CNTN5: variants seen among roughly 807,000 people sequenced by gnomAD.
CNTN5 encodes contactin-5.
Under a neutral mutation model 129.1 loss-of-function variants are expected in CNTN5, and 77 were observed. The ratio of observed to expected loss-of-function variants is 0.60; its 90% CI spans 0.50 to 0.72. CNTN5 has a LOEUF of 0.72. Ranked by LOEUF, CNTN5 falls within the 30% of genes least tolerant of loss-of-function variation. The probability of loss-of-function intolerance (pLI) is 0.00; values close to 1 mark genes in which losing one functional copy is unlikely to be tolerated. For synonymous variants in CNTN5, 509 were observed against 465.6 expected (o/e 1.09, Z -1.20); for missense variants, 1,478 against 1,328.8 (o/e 1.11, Z -1.75).
At chr11:100,000,123 A>C (rs552667135) in intron 8 of CNTN5, among the ~76,000 whole-genome samples, 1 of 151,968 alleles carries the variant, frequency 6.6e-6, no homozygotes, top group Admixed American at 6.6e-5. Flanking sequence ...TAACCTGCAC[A>C]TTGTGCACAT....
chr11:99,953,348 A>G (rs918061557), intron 7 of CNTN5, among the ~76,000 whole-genome samples: 7 of 152,214 alleles, frequency 4.6e-5, no homozygotes, highest in Non-Finnish European at 8.8e-5. Context: ...AAAGTCTGCA[A>G]TATTTGAATC....
chr11:100,236,887 GT>G (rs1486382045), intron 16 of CNTN5, among the ~76,000 whole-genome samples: 1 of 152,036 alleles, frequency 6.6e-6, no homozygotes, highest in Non-Finnish European at 1.5e-5. Context: ...CAACCCAAAT[GT>G]GGTCACCAAG....
chr11:100,243,132 C>T (rs765629277), intron 16 of CNTN5, among the ~76,000 whole-genome samples: 4 of 152,160 alleles, frequency 2.6e-5, no homozygotes, highest in Non-Finnish European at 4.4e-5. Context: ...TGTGCACGTG[C>T]GTGTGCACAC....
At chr11:100,064,145 T>A (rs1470190557) in intron 10 of CNTN5, among the ~76,000 whole-genome samples, 2 of 152,202 alleles carry the variant, frequency 1.3e-5, no homozygotes, top group Non-Finnish European at 2.9e-5. Context: ...TGGGATTCTA[T>A]CTGTTAGAAG....
At chr11:99,743,426 AACTT>A (rs764610281) in intron 3 of CNTN5, among the ~76,000 whole-genome samples, 1 of 152,196 alleles carries the variant, frequency 6.6e-6, no homozygotes, top group Non-Finnish European at 1.5e-5. Flanking sequence ...TAGTAGAACC[AACTT>A]ACTTATGCTG....
At chr11:99,488,873 G>C (rs1565225471) in intron 2 of CNTN5, among the ~76,000 whole-genome samples, 3 of 152,076 alleles carry the variant, frequency 2.0e-5, no homozygotes, top group Non-Finnish European at 2.9e-5. Flanking sequence ...CTGAAAAAGA[G>C]GGGAAAGTGA....
At chr11:99,989,674 A>G (rs1938928357) in intron 8 of CNTN5, among the ~76,000 whole-genome samples, 1 of 152,196 alleles carries the variant, frequency 6.6e-6, no homozygotes, top group African/African-American at 2.4e-5. Flanking sequence ...ATTTATGAAA[A>G]TAATAAACAT....
chr11:99,168,109 T>C (rs1022295471), intron 1 of CNTN5, among the ~76,000 whole-genome samples: 2 of 152,034 alleles, frequency 1.3e-5, no homozygotes, highest in African/African-American at 4.8e-5. Flanking sequence ...TGCCCGGCTA[T>C]TTTTTAATAT....
At chr11:99,121,324 A>G (rs367582691) in intron 1 of CNTN5, among the ~76,000 whole-genome samples, 1 of 151,864 alleles carries the variant, frequency 6.6e-6, no homozygotes. Context: ...TAGTAGAGCT[A>G]GGGTTTCAAC....
intron 2 of CNTN5, among the ~76,000 whole-genome samples, chr11:99,350,920 A>G (rs983913486): frequency 5.9e-5 from 9 of 152,034 alleles, no homozygotes; most frequent in Admixed American, 1.3e-4. Flanking sequence ...TGAAATATGC[A>G]ATATTTATTA....
chr11:99,292,102 C>A (rs1006816658), intron 1 of CNTN5, among the ~76,000 whole-genome samples: 2 of 151,860 alleles, frequency 1.3e-5, no homozygotes, highest in Admixed American at 1.3e-4. Flanking sequence ...AGAAACAGTA[C>A]TAATGTAATT....
At chr11:100,159,631 A>C (rs1234555826) in intron 13 of CNTN5, among the ~76,000 whole-genome samples, 1 of 151,960 alleles carries the variant, frequency 6.6e-6, no homozygotes. Flanking sequence ...GTAGAGGTGA[A>C]TATTTCATGC....
At chr11:100,225,693 A>G (rs1319405202) in intron 16 of CNTN5, among the ~76,000 whole-genome samples, 1 of 152,080 alleles carries the variant, frequency 6.6e-6, no homozygotes, top group Admixed American at 6.6e-5. Flanking sequence ...GTACCTCTTC[A>G]TTTTTCATCT....
chr11:100,071,872 C>A lies in CNTN5; in HGVS notation c.1429+38C>A, dbSNP rs201752601. ...TAAGTGAATAAATTGAAAAAAAAAA[C>A]CTTGCTTCTTTTCATGCTCTAATTT... is the stretch of plus-strand genomic sequence containing the variant. On this transcript the variant is annotated intron_variant, in intron 12 of 24. Transcript: ENST00000524871. The A allele has an allele frequency of 1.3e-5, 20 of 1,494,176 alleles. 1 individual carries two copies. Among genetic ancestry groups the A allele is most frequent in the South Asian group, 5.3e-5 (4 of 75,930 alleles). The allele number at this position is 1,494,176 out of a possible 1,614,324, so 92.6% of individuals were successfully genotyped here.
In CNTN5 at chr11:100,092,922, G is replaced by C. The variant is rs539719895; in HGVS notation, c.1580+18628G>C. On this transcript the variant is annotated intron_variant, in intron 13 of 24. Coordinates refer to ENST00000524871, the MANE Select transcript of CNTN5 (RefSeq NM_014361.4). Reference sequence around the variant, plus strand: ...AGATGTGCTTTTTAACATATAGGCTGTAAATGTTAGTATTTCTGAGTTTCG... The same window carrying C: ...AGATGTGCTTTTTAACATATAGGCTCTAAATGTTAGTATTTCTGAGTTTCG... 2.6e-3 allele frequency among the ~76,000 whole-genome samples: 398 copies of C among 152,204 alleles called. 1 individual carries two copies. Among genetic ancestry groups the C allele is most frequent in the Non-Finnish European group, 2.8e-3 (188 of 68,010 alleles).
intron 3 of CNTN5, among the ~76,000 whole-genome samples, chr11:99,653,735 TAATTA>T (rs1952243481): frequency 6.6e-6 from 1 of 152,130 alleles, no homozygotes; most frequent in African/African-American, 2.4e-5. Flanking sequence ...ATGCTTGAGT[TAATTA>T]AATGAGCTCC....
intron 3 of CNTN5, among the ~76,000 whole-genome samples, chr11:99,750,948 A>T (rs957300613): frequency 6.6e-6 from 1 of 152,208 alleles, no homozygotes; most frequent in Non-Finnish European, 1.5e-5. Flanking sequence ...TTTAAAGCTA[A>T]TATAGGCAAA....
At chr11:99,641,180 G>C (rs1951757950) in intron 3 of CNTN5, among the ~76,000 whole-genome samples, 1 of 152,150 alleles carries the variant, frequency 6.6e-6, no homozygotes, top group Admixed American at 6.5e-5. Flanking sequence ...AAACTATCAG[G>C]TGTAGCCATT....
intron 7 of CNTN5, among the ~76,000 whole-genome samples, chr11:99,917,148 G>A (rs1949812276): frequency 6.6e-6 from 1 of 151,716 alleles, no homozygotes; most frequent in Admixed American, 6.6e-5. Flanking sequence ...ATATCAACAG[G>A]GACATATTTT....
Sources: allele counts gnomAD v4.1 joint callset (sites outside exome capture counted in the v4.1 genomes callset), GRCh38; gene constraint gnomAD v4.1.1; transcripts MANE v1.5; gene names NCBI Gene and HGNC (gene_info 2026-07-23, HGNC 2026-07-21).